DCLK1: variants seen among roughly 807,000 people sequenced by gnomAD.
The protein encoded by DCLK1 is serine/threonine-protein kinase DCLK1.
In DCLK1, 16 loss-of-function variants were observed where a neutral mutation model predicts 86.2. The observed-to-expected ratio is 0.19, with a 90% CI of 0.13 to 0.28. DCLK1 has a LOEUF of 0.28. Ranked by LOEUF, DCLK1 falls within the 10% of genes least tolerant of loss-of-function variation. DCLK1 has a pLI of 1.00. For missense variants in DCLK1, 590 were observed against 940.2 expected, an observed-to-expected ratio of 0.63 and a Z score of 4.87; for synonymous variants, 369 against 370.5, an observed-to-expected ratio of 1.00 and a Z score of 0.05.
At chr13:36,113,784 T>G (rs1471629063) in intron 2 of DCLK1, among the ~76,000 whole-genome samples, 1 of 152,172 alleles carries the variant, frequency 6.6e-6, no homozygotes, top group African/African-American at 2.4e-5. Context: ...ACAAACCTGC[T>G]ATGTGAGTGA....
chr13:35,808,816 G>A (rs2087084988), intron 13 of DCLK1, among the ~76,000 whole-genome samples: 1 of 151,936 alleles, frequency 6.6e-6, no homozygotes, highest in Admixed American at 6.6e-5. Context: ...GAAAGAATGA[G>A]TTTTTAATGA....
intron 2 of DCLK1, among the ~76,000 whole-genome samples, chr13:36,112,909 C>G (rs1295226015): frequency 1.3e-5 from 2 of 152,124 alleles, no homozygotes; most frequent in Admixed American, 1.3e-4. Flanking sequence ...AAAGTGACTC[C>G]TTAGCAGGAA....
At chr13:35,862,161 A>G (rs986974387) in intron 5 of DCLK1, among the ~76,000 whole-genome samples, 1 of 152,054 alleles carries the variant, frequency 6.6e-6, no homozygotes, top group Non-Finnish European at 1.5e-5. Flanking sequence ...TCAAATCACT[A>G]CAATATACCA....
chr13:35,936,241 C>T (rs1876742821), intron 4 of DCLK1, among the ~76,000 whole-genome samples: 2 of 152,174 alleles, frequency 1.3e-5, no homozygotes, highest in Non-Finnish European at 1.5e-5. Context: ...GAATATAGTG[C>T]TTTGAAGATT....
intron 3 of DCLK1, among the ~76,000 whole-genome samples, chr13:36,061,097 A>G (rs1926337): frequency 0.69 from 104,259 of 152,046 alleles, 36,731 homozygotes; most frequent in East Asian, 0.99. Flanking sequence ...GCATGTGGTG[A>G]TGGCGATGAT....
In DCLK1 at chr13:36,131,318, C is replaced by A; in HGVS notation, c.-224G>T. 1 of 160,748 alleles carries A rather than the reference C, an allele frequency of 6.2e-6. No individual in the cohort carries two copies. The highest frequency in any genetic ancestry group is 1.4e-5 in the Non-Finnish European group (1 of 73,746). The allele number at this position is 160,748 out of a possible 1,614,324, so 10.0% of individuals were successfully genotyped here. A position where few individuals can be genotyped will look rare whatever the true frequency, so the allele number is the denominator to read the frequency against. ...GTGCAGGGATGTGCCTCGGCCCGTC[C>A]TCATTGAAATGCGGCGCTTCGCACA... On this transcript the variant is annotated 5_prime_UTR_variant, in exon 1 of 17. The change creates a new upstream start codon in the 5' untranslated region. Transcript: ENST00000360631.
intron 1 of DCLK1, among the ~76,000 whole-genome samples, chr13:36,127,590 T>C (rs1368126666): frequency 6.6e-6 from 1 of 152,246 alleles, no homozygotes; most frequent in African/African-American, 2.4e-5. Context: ...GAAGTTCTTA[T>C]CATAGTGTCT....
intron 3 of DCLK1, among the ~76,000 whole-genome samples, chr13:36,107,335 A>AT (rs10670428): frequency 0.041 from 4,488 of 110,178 alleles, 363 homozygotes; most frequent in African/African-American, 0.088. Context: ...GCAGTGGTAG[A>AT]TTTTTTTTTT....
intron 3 of DCLK1, among the ~76,000 whole-genome samples, chr13:36,100,842 C>T (rs1357100731): frequency 2.0e-5 from 3 of 152,308 alleles, no homozygotes; most frequent in African/African-American, 7.2e-5. Context: ...ACCAGTTTAT[C>T]CCATCCATTG....
At chr13:35,983,010 C>T (rs766894838) in intron 3 of DCLK1, among the ~76,000 whole-genome samples, 4 of 151,988 alleles carry the variant, frequency 2.6e-5, no homozygotes, top group Non-Finnish European at 5.9e-5. Flanking sequence ...GTGATCCTCC[C>T]GCCATGGCCT....
chr13:35,893,938 T>G (rs1004671422), intron 4 of DCLK1, among the ~76,000 whole-genome samples: 5 of 152,340 alleles, frequency 3.3e-5, no homozygotes, highest in African/African-American at 1.2e-4. Flanking sequence ...GTGGCTGAGA[T>G]AGTGACACCT....
At chr13:35,884,760 G>A (rs1873126741) in intron 4 of DCLK1, among the ~76,000 whole-genome samples, 1 of 152,154 alleles carries the variant, frequency 6.6e-6, no homozygotes, top group Non-Finnish European at 1.5e-5. Flanking sequence ...CTGAGAAAGT[G>A]GAAATGGTTG....
rs1001374868 is a variant in DCLK1, at chr13:36,016,781, A to G, written c.724-69324T>C. 3.3e-5 allele frequency among the ~76,000 whole-genome samples: 5 copies of G among 152,234 alleles called. No homozygotes were observed. In the East Asian group the frequency reaches 9.6e-4, roughly 29 times the overall value. Reference sequence around the variant, plus strand: ...TAAATGAAATTAATTTTGATAATGTATTTAATCTAATAATCTAAAATGTTA... The same window carrying G: ...TAAATGAAATTAATTTTGATAATGTGTTTAATCTAATAATCTAAAATGTTA... On this transcript the variant is annotated intron_variant, in intron 3 of 16. Coordinates refer to ENST00000360631, the MANE Select transcript of DCLK1 (RefSeq NM_001330071.2).
chr13:35,923,499 C>A (rs1024954907), intron 4 of DCLK1, among the ~76,000 whole-genome samples: 3 of 151,888 alleles, frequency 2.0e-5, no homozygotes, highest in Admixed American at 6.6e-5. Flanking sequence ...ACAACCAATT[C>A]TGTGGGTGTC....
Position 35,793,453 on chromosome 13 carries a change from A to T in DCLK1, c.1971T>A (p.His657Gln), listed in dbSNP as rs1361436548. ...VNDDGLPENE[H>Q]QLSVAGKIKK... ...TTATCTTTCCAGCTACTGACAGCTG[A>T]TGTTCATTTTCTGGGAGGCCATCAT... Residue 657 changes from histidine (H) to glutamine (Q), a missense_variant, in exon 16 of 17, where the codon CAT becomes CAA. This residue lies in a region of DCLK1 where 146 missense variants were observed against 190.2 expected (regional missense o/e 0.77). Transcript: ENST00000360631. 2 of 1,607,182 alleles carry T rather than the reference A, an allele frequency of 1.2e-6. No individual in the cohort carries two copies. Among genetic ancestry groups the T allele is most frequent in the Non-Finnish European group, 1.7e-6 (2 of 1,176,554 alleles).
At chr13:36,022,260 G>A (rs1339986980) in intron 3 of DCLK1, among the ~76,000 whole-genome samples, 1 of 151,940 alleles carries the variant, frequency 6.6e-6, no homozygotes, top group Non-Finnish European at 1.5e-5. Flanking sequence ...CTGATAAGAT[G>A]CAGTTAATAC....
chr13:35,811,207 T>C (rs1397607650), intron 11 of DCLK1, among the ~76,000 whole-genome samples: 1 of 152,160 alleles, frequency 6.6e-6, no homozygotes, highest in East Asian at 1.9e-4. Context: ...AGTACATTCA[T>C]ACAACGAGAG....
intron 7 of DCLK1, among the ~76,000 whole-genome samples, chr13:35,838,662 T>C (rs1447734822): frequency 6.6e-6 from 1 of 152,258 alleles, no homozygotes; most frequent in African/African-American, 2.4e-5. Flanking sequence ...ATATTTCATG[T>C]ATTGAGTTCA....
intron 5 of DCLK1, chr13:35,868,953 G>T: frequency 2.8e-6 from 1 of 357,614 alleles, no homozygotes; most frequent in Non-Finnish European, 5.6e-6. Flanking sequence ...ACCATGCCTG[G>T]CTAATTTTTG....
Sources: allele counts gnomAD v4.1 joint callset (sites outside exome capture counted in the v4.1 genomes callset), GRCh38; gene constraint gnomAD v4.1.1; regional missense constraint gnomAD v4.1.1; transcripts MANE v1.5; gene names NCBI Gene and HGNC (gene_info 2026-07-23, HGNC 2026-07-21).